ARAP2: variants seen among roughly 807,000 people sequenced by gnomAD.
ARAP2 encodes arf-GAP with Rho-GAP domain, ANK repeat and PH domain-containing protein 2.
ARAP2 carries 148 observed loss-of-function variants against 194.5 expected under a neutral mutation model. That is an observed-to-expected ratio of 0.76 (90% CI 0.67 to 0.87). ARAP2 has a LOEUF of 0.87. Ranked by LOEUF, ARAP2 falls within the 40% of genes least tolerant of loss-of-function variation. ARAP2 has a pLI of 0.00. For synonymous variants in ARAP2, 695 were observed against 683.5 expected, an observed-to-expected ratio of 1.02 and a Z score of -0.26; for missense variants, 2,128 against 1,989.7, an observed-to-expected ratio of 1.07 and a Z score of -1.32.
intron 19 of ARAP2, among the ~76,000 whole-genome samples, chr4:36,135,181 G>A (rs1309248084): frequency 6.6e-6 from 1 of 151,598 alleles, no homozygotes; most frequent in Admixed American, 6.6e-5. Flanking sequence ...GACTTGACAG[G>A]GCTAGTTTAT....
chr4:36,228,022 C>G (rs960535263), intron 2 of ARAP2, among the ~76,000 whole-genome samples: 1 of 152,172 alleles, frequency 6.6e-6, no homozygotes, highest in African/African-American at 2.4e-5. Context: ...TAGCTTCATA[C>G]TGAGCTGTCT....
rs58285586 is a variant in ARAP2, at chr4:36,125,174, T to A, written c.3641-207A>T. Among the ~76,000 whole-genome samples, 810 of 152,094 alleles carry A rather than the reference T, an allele frequency of 5.3e-3. 11 individuals carry two copies. The highest frequency in any genetic ancestry group is 0.018 in the African/African-American group (763 of 41,566). On this transcript the variant is annotated intron_variant, in intron 21 of 32. Coordinates refer to ENST00000303965, the MANE Select transcript of ARAP2 (RefSeq NM_015230.4). ...ATTTACATAACATTCCAGTATTATG[T>A]GCTCTAGTTCTTACAATTTGTAATT... is the stretch of plus-strand genomic sequence containing the variant.
Position 36,229,197 on chromosome 4 carries a change from G to T in ARAP2, c.290C>A (p.Ser97Tyr), listed in dbSNP as rs1242876942. Residue 97 changes from serine (S) to tyrosine (Y), a missense_variant, in exon 2 of 33, where the codon TCT becomes TAT. Physicochemically the swap from Ser to Tyr is moderately radical, Grantham distance 144 (BLOSUM62 -2). Coordinates refer to ENST00000303965, the MANE Select transcript of ARAP2 (RefSeq NM_015230.4). The part of the protein sequence containing the change: ...DDPSKDYHVP[S>Y]SDQNICIELS... ...TTCTATGCAGATATTCTGATCAGAA[G>T]ATGGAACATGGTAATCCTTTGAAGG... is the stretch of plus-strand genomic sequence containing the variant. 3.1e-6 allele frequency: 5 copies of T among 1,614,030 alleles called. No homozygotes were observed. The highest frequency in any genetic ancestry group is 4.2e-6 in the Non-Finnish European group (5 of 1,180,010).
Position 36,067,831 on chromosome 4 carries a change from G to T in ARAP2, c.*76C>A. On this transcript the variant is annotated 3_prime_UTR_variant, in exon 33 of 33. Coordinates refer to ENST00000303965, the MANE Select transcript of ARAP2 (RefSeq NM_015230.4). ...GCAAATTCTTATGAATTATCTTATA[G>T]TTCAGTTTTGGAGTTACACATAAAG... 6.9e-7 allele frequency: 1 copy of T among 1,459,552 alleles called. No homozygotes were observed. The highest frequency in any genetic ancestry group is 9.1e-7 in the Non-Finnish European group (1 of 1,094,188). 90.4% of individuals were successfully genotyped at this position (1,459,552 alleles called of 1,614,324 possible). A position where few individuals can be genotyped will look rare whatever the true frequency, so the allele number is the denominator to read the frequency against.
In ARAP2 at chr4:36,210,725, C is replaced by A. The variant is rs35468501; in HGVS notation, c.1152G>T (p.Lys384Asn). Residue 384 changes from lysine (K) to asparagine (N), a missense_variant, in exon 6 of 33, where the codon AAG (lysine) becomes AAT (asparagine). By Grantham distance (94) the Lys-to-Asn change is moderately conservative. Transcript: ENST00000303965. ...CCACCTTGTCCTCGCTTATTTTCTC[C>A]TTTCTGTTATCGTATATGCTAAACG... Reference protein sequence around the residue: ...IIKSSIYDNRKEKISEDKVED... With the variant: ...IIKSSIYDNRNEKISEDKVED... 3,115 of 1,601,912 alleles carry A rather than the reference C, an allele frequency of 1.9e-3. 54 individuals are homozygous for A. In the African/African-American group the frequency reaches 0.037, roughly 19 times the overall value.
rs142371110 is a variant in ARAP2 at position 36,147,824 on chromosome 4, G to A, written c.3001-78C>T. 1.6e-4 allele frequency: 185 copies of A among 1,170,392 alleles called. 1 individual carries two copies. The African/African-American group carries it at 2.6e-3, about 16-fold the overall frequency. The allele number at this position is 1,170,392 out of a possible 1,614,324, so 72.5% of individuals were successfully genotyped here. On this transcript the variant is annotated intron_variant, in intron 17 of 32. Coordinates refer to ENST00000303965, the MANE Select transcript of ARAP2 (RefSeq NM_015230.4). Reference sequence around the variant, plus strand: ...TTCCCTATCTACTGATATGAGAGAAGGTAGACAAATTATCTTAGTTTTTCA... The same window carrying A: ...TTCCCTATCTACTGATATGAGAGAAAGTAGACAAATTATCTTAGTTTTTCA...
intron 6 of ARAP2, among the ~76,000 whole-genome samples, chr4:36,202,495 G>GAA (rs796278892): frequency 7.2e-6 from 1 of 138,770 alleles, no homozygotes; most frequent in African/African-American, 2.6e-5. Context: ...AAAATGAGAA[G>GAA]AAAAAAAAAA....
At chr4:36,038,614 C>T (rs1025469061) in intron 5 of ARAP2, among the ~76,000 whole-genome samples, 5 of 152,146 alleles carry the variant, frequency 3.3e-5, no homozygotes, top group African/African-American at 1.2e-4. Context: ...TTTTATACAG[C>T]CACTTTGAAT....
chr4:36,139,651 G>C (rs932081131), intron 19 of ARAP2, among the ~76,000 whole-genome samples: 2 of 151,600 alleles, frequency 1.3e-5, no homozygotes, highest in African/African-American at 4.8e-5. Context: ...AAGCTTCAAA[G>C]AGGATTTGAT....
intron 15 of ARAP2, among the ~76,000 whole-genome samples, chr4:36,156,438 A>AT (rs1732514703): frequency 3.8e-4 from 5 of 13,176 alleles, no homozygotes; most frequent in Admixed American, 1.6e-3. Context: ...AAAGAAAGAA[A>AT]GAAAGAGAAA....
chr4:36,141,545 A>C (rs1208896920), intron 19 of ARAP2, among the ~76,000 whole-genome samples: 1 of 151,674 alleles, frequency 6.6e-6, no homozygotes, highest in Non-Finnish European at 1.5e-5. Flanking sequence ...TATCTATCTA[A>C]ATAGTGACTA....
At chr4:36,213,585 C>T (rs1463436401) in intron 3 of ARAP2, among the ~76,000 whole-genome samples, 1 of 152,082 alleles carries the variant, frequency 6.6e-6, no homozygotes, top group African/African-American at 2.4e-5. Flanking sequence ...TCCTTCCCAA[C>T]CTCTAGGATC....
chr4:36,052,193 T>C (rs1722780731), intron 2 of ARAP2: 1 of 152,192 alleles, frequency 6.6e-6, no homozygotes, highest in South Asian at 2.1e-4. Context: ...AAAATATACA[T>C]ATCAGTAATA....
intron 32 of ARAP2, among the ~76,000 whole-genome samples, chr4:36,070,489 GAAATAATAATCTGA>G (rs1293645511): frequency 2.0e-5 from 3 of 152,324 alleles, no homozygotes; most frequent in Admixed American, 2.0e-4. Flanking sequence ...TGTTTGAACG[GAAATAATAATCTGA>G]AACAGAGTCT....
chr4:36,224,729 C>A (rs1749909677), intron 2 of ARAP2, among the ~76,000 whole-genome samples: 1 of 152,030 alleles, frequency 6.6e-6, no homozygotes, highest in African/African-American at 2.4e-5. Flanking sequence ...TTTATGTATT[C>A]AATTCAAAAT....
chr4:36,173,890 T>C (rs1737216318), intron 9 of ARAP2, among the ~76,000 whole-genome samples: 1 of 152,202 alleles, frequency 6.6e-6, no homozygotes. Context: ...TGGATTCCTA[T>C]CACATAGCTG....
intron 9 of ARAP2, among the ~76,000 whole-genome samples, chr4:36,168,982 A>G (rs1039048628): frequency 4.6e-5 from 7 of 152,130 alleles, no homozygotes; most frequent in African/African-American, 1.7e-4. Flanking sequence ...AAATTCCCCA[A>G]TTATCCACAG....
At chr4:36,083,569 A>G in intron 28 of ARAP2, 119 bp from the exon 29 acceptor site, 1 of 697,920 alleles carries the variant, frequency 1.4e-6, no homozygotes, top group Non-Finnish European at 2.3e-6. Context: ...TAAAACAAAC[A>G]TTTCATGAGT....
intron 2 of ARAP2, among the ~76,000 whole-genome samples, chr4:36,215,224 T>C (rs1017773712): frequency 1.3e-5 from 2 of 152,210 alleles, no homozygotes; most frequent in Admixed American, 6.5e-5. Flanking sequence ...CATTGTGCCA[T>C]TGCTGAAAGT....
Sources: gnomAD v4.1 joint callset for allele counts (sites outside exome capture counted in the v4.1 genomes callset) on GRCh38, gnomAD v4.1.1 for gene constraint, MANE v1.5 for transcripts, NCBI Gene and HGNC (gene_info 2026-07-23, HGNC 2026-07-21) for gene names.